CCDC102B: variants seen among roughly 807,000 people sequenced by gnomAD.
CCDC102B encodes the protein coiled-coil domain containing 102B.
A neutral mutation model predicts 57.4 loss-of-function variants in CCDC102B; 75 were observed. The ratio of observed to expected loss-of-function variants is 1.31; its 90% CI spans 1.08 to 1.58. The LOEUF is 1.58. CCDC102B is among the 40% of genes most tolerant of loss of function. The pLI, the probability that CCDC102B is intolerant of heterozygous loss-of-function variation, is 0.00. For synonymous variants in CCDC102B, 206 were observed against 201.9 expected, an observed-to-expected ratio of 1.02 and a Z score of -0.17; for missense variants, 636 against 582.6, an observed-to-expected ratio of 1.09 and a Z score of -0.94.
At chr18:68,718,194 A>C (rs1419486269) in intron 2 of CCDC102B, 2 of 152,256 alleles carry the variant, frequency 1.3e-5, no homozygotes, top group Non-Finnish European at 2.9e-5. Flanking sequence ...TGTCCTCACC[A>C]AAAGTCATAT....
downstream of CCDC102B, chr18:69,055,276 G>A: frequency 1.9e-6 from 1 of 521,686 alleles, no homozygotes; most frequent in Non-Finnish European, 2.5e-6. Context: ...TGACTAATAG[G>A]AACGCAGCAC....
At chr18:68,956,551 ATATTATATATATTATATATTTT>A (rs2049896283) in intron 6 of CCDC102B, among the ~76,000 whole-genome samples, 9 of 1,896 alleles carry the variant, frequency 4.7e-3, no homozygotes, top group African/African-American at 0.011. Context: ...ATATATATAA[ATATTATATATATTATATATTTT>A]ATATATATAA....
chr18:68,955,781 G>C (rs1305800412), intron 6 of CCDC102B, among the ~76,000 whole-genome samples: 1 of 151,836 alleles, frequency 6.6e-6, no homozygotes, highest in African/African-American at 2.4e-5. Flanking sequence ...CGTTAATTTT[G>C]TGGGTACATA....
intron 1 of CCDC102B, among the ~76,000 whole-genome samples, chr18:68,805,757 C>T (rs762838330): frequency 2.6e-5 from 4 of 152,024 alleles, no homozygotes; most frequent in Non-Finnish European, 5.9e-5. Flanking sequence ...TTAATAGGAA[C>T]TGAGAGGTGA....
At chr18:68,776,059 A>G (rs1461978379) in intron 2 of CCDC102B, among the ~76,000 whole-genome samples, 3 of 152,196 alleles carry the variant, frequency 2.0e-5, no homozygotes, top group Admixed American at 6.5e-5. Context: ...ATTTTTGGGC[A>G]TTATGAGTAG....
intron 1 of CCDC102B, among the ~76,000 whole-genome samples, chr18:68,815,677 TACACACACACACACAC>T (rs10592850): frequency 4.0e-5 from 6 of 149,178 alleles, no homozygotes; most frequent in African/African-American, 1.2e-4. Flanking sequence ...TCCATTTACA[TACACACACACACACAC>T]ACACACACAC....
intron 2 of CCDC102B, among the ~76,000 whole-genome samples, chr18:68,760,146 A>G (rs1216085766): frequency 2.0e-5 from 3 of 152,140 alleles, no homozygotes; most frequent in Non-Finnish European, 4.4e-5. Context: ...GCTTCTTCTC[A>G]TAGCCATTTA....
chr18:68,834,505 G>A (rs2037281882), intron 1 of CCDC102B, among the ~76,000 whole-genome samples: 3 of 132,742 alleles, frequency 2.3e-5, no homozygotes, highest in African/African-American at 5.6e-5. Flanking sequence ...TTTTTATATT[G>A]GTGTTGGAAT....
At chr18:68,846,667 A>G (rs1425236864) in intron 4 of CCDC102B, among the ~76,000 whole-genome samples, 6 of 151,798 alleles carry the variant, frequency 4.0e-5, no homozygotes, top group Admixed American at 4.0e-4. Flanking sequence ...TTTATTTTCA[A>G]AAATCTTATT....
At chr18:68,883,825 G>A (rs2039778630) in intron 5 of CCDC102B, among the ~76,000 whole-genome samples, 2 of 152,156 alleles carry the variant, frequency 1.3e-5, no homozygotes, top group South Asian at 4.1e-4. Context: ...ATAGAGACTG[G>A]AAGCTCCACT....
intron 1 of CCDC102B, among the ~76,000 whole-genome samples, chr18:68,802,250 TGAGTTGG>T (rs1040998496): frequency 8.5e-5 from 13 of 152,166 alleles, no homozygotes. Context: ...ATGGTAGGAA[TGAGTTGG>T]GTCAAAGCAA....
At chr18:68,883,598 G>GT (rs2039770660) in intron 5 of CCDC102B, among the ~76,000 whole-genome samples, 1 of 152,110 alleles carries the variant, frequency 6.6e-6, no homozygotes, top group South Asian at 2.1e-4. Context: ...AGACTGGAAG[G>GT]TTTTTTATCT....
At chr18:68,775,139 T>C (rs2034769282) in intron 2 of CCDC102B, among the ~76,000 whole-genome samples, 1 of 151,614 alleles carries the variant, frequency 6.6e-6, no homozygotes. Flanking sequence ...GATATGCTAC[T>C]AGTTATTCAT....
intron 1 of CCDC102B, among the ~76,000 whole-genome samples, chr18:68,833,499 A>G (rs2037233619): frequency 1.3e-5 from 2 of 152,098 alleles, no homozygotes; most frequent in South Asian, 4.1e-4. Context: ...GACTTGTATA[A>G]CAGAGAAAAA....
At chr18:68,947,084 A>T (rs1157090015) in intron 6 of CCDC102B, among the ~76,000 whole-genome samples, 1 of 152,010 alleles carries the variant, frequency 6.6e-6, no homozygotes, top group Non-Finnish European at 1.5e-5. Flanking sequence ...CATTGATTTT[A>T]AAACAATTTT....
intron 4 of CCDC102B, among the ~76,000 whole-genome samples, chr18:68,857,401 TATAA>T (rs1260898475): frequency 8.0e-6 from 1 of 125,722 alleles, no homozygotes; most frequent in African/African-American, 3.0e-5. Context: ...TATTTAAATA[TATAA>T]ATATATATAT....
intron 2 of CCDC102B, among the ~76,000 whole-genome samples, chr18:68,727,238 TG>T (rs2032637900): frequency 6.6e-6 from 1 of 152,332 alleles, no homozygotes; most frequent in South Asian, 2.1e-4. Context: ...GCATTCATAC[TG>T]ACTCCAGTCT....
intron 1 of CCDC102B, among the ~76,000 whole-genome samples, chr18:68,805,952 A>G (rs1053553844): frequency 6.6e-6 from 1 of 152,116 alleles, no homozygotes; most frequent in Non-Finnish European, 1.5e-5. Context: ...CTCTCTGCTT[A>G]TGTAACATTT....
intron 2 of CCDC102B, among the ~76,000 whole-genome samples, chr18:68,783,687 T>A (rs1227537813): frequency 2.0e-5 from 3 of 152,146 alleles, no homozygotes; most frequent in Non-Finnish European, 4.4e-5. Context: ...TCCCATATAT[T>A]TTTGGTGTTT....
Sources: allele counts gnomAD v4.1 joint callset (sites outside exome capture counted in the v4.1 genomes callset), GRCh38; gene constraint gnomAD v4.1.1; transcripts MANE v1.5; gene names NCBI Gene and HGNC (gene_info 2026-07-23, HGNC 2026-07-21).